The following UBXN4 variants were observed in gnomAD, a reference collection of about 807,000 sequenced individuals.
The protein encoded by UBXN4 is UBX domain-containing protein 4.
UBXN4 carries 35 observed loss-of-function variants against 66.2 expected under a neutral mutation model. That is an observed-to-expected ratio of 0.53 (90% CI 0.40 to 0.70). The LOEUF is 0.70. Among genes scored for constraint, UBXN4 ranks in the 30% least tolerant of loss-of-function variants. UBXN4 has a pLI of 0.00. For missense variants in UBXN4, 533 were observed against 599.8 expected, an observed-to-expected ratio of 0.89 and a Z score of 1.16; for synonymous variants, 203 against 204.5, an observed-to-expected ratio of 0.99 and a Z score of 0.06.
chr2:135,778,490 G>T (rs2077431271), intron 10 of UBXN4, among the ~76,000 whole-genome samples: 1 of 152,128 alleles, frequency 6.6e-6, no homozygotes, highest in Non-Finnish European at 1.5e-5. Flanking sequence ...GACCATTTAT[G>T]CCTTGAGACA....
intron 7 of UBXN4, 107 bp from the exon 8 acceptor site, chr2:135,770,464 C>T: frequency 2.7e-6 from 2 of 747,414 alleles, no homozygotes; most frequent in Non-Finnish European, 4.1e-6. Context: ...TCTAGACTTA[C>T]ATTTTATGAA....
At chr2:135,756,559 G>T (rs571105561) in intron 5 of UBXN4, among the ~76,000 whole-genome samples, 1 of 152,068 alleles carries the variant, frequency 6.6e-6, no homozygotes, top group Non-Finnish European at 1.5e-5. Context: ...GTTTTACATC[G>T]GATGGATCAT....
chr2:135,754,023 C>T, intron 3 of UBXN4, 136 bp from the exon 4 acceptor site: 1 of 668,080 alleles, frequency 1.5e-6, no homozygotes, highest in Non-Finnish European at 2.6e-6. Context: ...TGATGCAGTA[C>T]TTGAAATTAT....
chr2:135,766,673 A>G (rs1054640629), intron 6 of UBXN4, among the ~76,000 whole-genome samples: 6 of 152,188 alleles, frequency 3.9e-5, no homozygotes, highest in African/African-American at 1.4e-4. Context: ...TGTCCTTTCC[A>G]TTACTCATAT....
chr2:135,752,551 A>G (rs2077249903), intron 2 of UBXN4, among the ~76,000 whole-genome samples: 1 of 152,202 alleles, frequency 6.6e-6, no homozygotes, highest in Non-Finnish European at 1.5e-5. Context: ...TTGTTATTAT[A>G]GAGTATTACA....
chr2:135,747,421 A>G (rs2077215269), intron 1 of UBXN4, among the ~76,000 whole-genome samples: 1 of 151,892 alleles, frequency 6.6e-6, no homozygotes, highest in Non-Finnish European at 1.5e-5. Context: ...TGCTCTATCA[A>G]GGTAGCCACT....
intron 2 of UBXN4, among the ~76,000 whole-genome samples, chr2:135,750,308 G>T (rs79133450): frequency 0.016 from 2,468 of 152,140 alleles, 62 homozygotes; most frequent in African/African-American, 0.056. Flanking sequence ...TTACAAAGTG[G>T]TATTCCTGTC....
intron 1 of UBXN4, chr2:135,742,873 T>C (rs1461633847): frequency 1.3e-5 from 2 of 151,446 alleles, no homozygotes; most frequent in African/African-American, 4.9e-5. Context: ...TTCCCTTTGT[T>C]GTCTTCTTAG....
chr2:135,776,956 G>A (rs954234195), intron 10 of UBXN4, among the ~76,000 whole-genome samples: 4 of 152,292 alleles, frequency 2.6e-5, no homozygotes, highest in Middle Eastern at 3.4e-3. Flanking sequence ...GTGATTTCCC[G>A]AAGGTCTGAT....
intron 9 of UBXN4, among the ~76,000 whole-genome samples, chr2:135,773,862 C>T (rs571751775): frequency 3.6e-4 from 55 of 152,084 alleles, no homozygotes; most frequent in African/African-American, 1.3e-3. Flanking sequence ...AATGACAAAA[C>T]ATTGTTGAAA....
chr2:135,776,393 G>A (rs2077414902), intron 10 of UBXN4, 42 bp downstream of exon 10: 2 of 1,539,858 alleles, frequency 1.3e-6, no homozygotes, highest in African/African-American at 2.8e-5. Context: ...AGATGTGTAG[G>A]TTACTAAATT....
At chr2:135,769,318 C>T (rs2077368143) in intron 6 of UBXN4, among the ~76,000 whole-genome samples, 1 of 152,090 alleles carries the variant, frequency 6.6e-6, no homozygotes, top group Non-Finnish European at 1.5e-5. Context: ...AACTGATGAA[C>T]TTCTTACAGT....
Position 135,780,432 on chromosome 2 carries a change from C to CA in UBXN4, c.1388+48dup, listed in dbSNP as rs747491988. On this transcript the variant is annotated intron_variant, in intron 12 of 12. Coordinates refer to ENST00000272638, the MANE Select transcript of UBXN4 (RefSeq NM_014607.4). ...ATTTATAAAATATGTAAGTCATGCC[C>CA]AGTATCTTTTTTAAGTAAAAAGTTG... 3.4e-5 allele frequency: 54 copies of CA among 1,573,622 alleles called. No individual in the cohort carries two copies. The South Asian group carries it at 5.9e-4, about 17-fold the overall frequency.
intron 10 of UBXN4, among the ~76,000 whole-genome samples, chr2:135,777,129 A>T (rs2105508561): frequency 6.6e-6 from 1 of 152,334 alleles, no homozygotes; most frequent in East Asian, 1.9e-4. Flanking sequence ...TTCTTCAGGA[A>T]TTTACTTCCA....
intron 6 of UBXN4, 54 bp downstream of exon 6, chr2:135,761,965 G>C: frequency 1.3e-6 from 2 of 1,517,326 alleles, no homozygotes; most frequent in Non-Finnish European, 1.8e-6. Context: ...GTGGTTTTCA[G>C]TTATTTCATT....
intron 5 of UBXN4, among the ~76,000 whole-genome samples, chr2:135,756,710 A>G (rs1002203898): frequency 2.0e-5 from 3 of 152,116 alleles, no homozygotes; most frequent in African/African-American, 4.8e-5. Flanking sequence ...AGATAGACAC[A>G]TGTTTCCCTC....
At chr2:135,761,371 T>C (rs1234894786) in intron 5 of UBXN4, among the ~76,000 whole-genome samples, 1 of 152,200 alleles carries the variant, frequency 6.6e-6, no homozygotes, top group Non-Finnish European at 1.5e-5. Context: ...TGCTCACTGC[T>C]CAATAGCCAC....
rs1054799649 is a variant in UBXN4 at position 135,780,073 on chromosome 2, AC to A, written c.1186-109del. The A allele has an allele frequency of 4.0e-6, 4 of 992,458 alleles. No homozygotes were observed. The African/African-American group carries it at 6.5e-5, about 16-fold the overall frequency. The allele number at this position is 992,458 out of a possible 1,614,324, so 61.5% of individuals were successfully genotyped here. On this transcript the variant is annotated intron_variant, in intron 11 of 12. Transcript: ENST00000272638. ...ATATCATTTTACCCTCTTGAAGTAA[AC>A]TAAAATTGGTAGGACCTCCTTTTCC...
intron 1 of UBXN4, among the ~76,000 whole-genome samples, chr2:135,745,749 C>A (rs1015212320): frequency 6.6e-6 from 1 of 152,070 alleles, no homozygotes; most frequent in Non-Finnish European, 1.5e-5. Context: ...TCTGAAGATG[C>A]ATTTAGAGTG....
Sources: allele counts gnomAD v4.1 joint callset (sites outside exome capture counted in the v4.1 genomes callset), GRCh38; gene constraint gnomAD v4.1.1; transcripts MANE v1.5; gene names NCBI Gene and HGNC (gene_info 2026-07-23, HGNC 2026-07-21).